The following F5 variants were observed in gnomAD, a reference collection of about 807,000 sequenced individuals.
The protein encoded by F5 is activated protein c cofactor.
F5 carries 138 observed loss-of-function variants against 216.4 expected under a neutral mutation model. The observed-to-expected ratio is 0.64, with a 90% CI of 0.56 to 0.73. F5 has a LOEUF of 0.73. F5 is among the 30% of genes least tolerant of loss of function. The pLI is 0.00. For missense variants in F5, 2,403 were observed against 2,674.0 expected (o/e 0.90, Z 2.24); for synonymous variants, 916 against 930.7 (o/e 0.98, Z 0.29).
intron 6 of F5, 147 bp downstream of exon 6, chr1:169,556,499 C>T (rs1571587273): frequency 1.6e-6 from 1 of 606,802 alleles, no homozygotes; most frequent in East Asian, 3.5e-5. Context: ...AATCTAAGAG[C>T]AAAATATCTA....
chr1:169,560,854 G>A lies in F5; in HGVS notation c.374-88C>T, dbSNP rs1660465878. ...TCAAATCTGGGGATAGCTAAGATGA[G>A]TTCTCTGGAGATGCATATGTCCTTC... On this transcript the variant is annotated intron_variant, in intron 3 of 24. Transcript: ENST00000367797. 4 of 1,145,136 alleles carry A rather than the reference G, an allele frequency of 3.5e-6. No individual in the cohort carries two copies. The South Asian group carries it at 3.7e-5, about 11-fold the overall frequency. 70.9% of individuals were successfully genotyped at this position (1,145,136 alleles called of 1,614,324 possible).
Position 169,540,723 on chromosome 1 carries a change from G to A in F5, c.4367C>T (p.Pro1456Leu). Residue 1456 changes from proline to leucine, a missense_variant, in exon 13 of 25, where the codon CCT (proline) becomes CTT (leucine). Pro to Leu is a moderately conservative substitution (Grantham distance 98, BLOSUM62 -3). Around this residue, in one of 4 missense-constraint regions of F5, gnomAD observed 293 missense variants for 270.8 expected, o/e 1.08. Transcript: ENST00000367797. ...TLLPDLSQIS[P>L]PPDLDQIFYP... ...GAATATCTGATCAAGGTCTGGAGGA[G>A]GTGATATCTGGCTGAGATCCGGGAG... is the stretch of plus-strand genomic sequence containing the variant. 1 of 1,614,032 alleles carries A rather than the reference G, an allele frequency of 6.2e-7. No individual in the cohort carries two copies. Among genetic ancestry groups the A allele is most frequent in the African/African-American group, 1.3e-5 (1 of 75,024 alleles).
At chr1:169,522,742 A>T (rs1659339698) in intron 21 of F5, among the ~76,000 whole-genome samples, 1 of 152,154 alleles carries the variant, frequency 6.6e-6, no homozygotes, top group Non-Finnish European at 1.5e-5. Flanking sequence ...CCCCCCAAAA[A>T]GTCTGAGAAT....
At chr1:169,543,629 C>T (rs183227439) in intron 12 of F5, among the ~76,000 whole-genome samples, 15 of 152,234 alleles carry the variant, frequency 9.9e-5, no homozygotes, top group Admixed American at 7.9e-4. Flanking sequence ...TAATAATTCA[C>T]GAGGACAATT....
chr1:169,521,695 A>G (rs1438448757), intron 21 of F5, among the ~76,000 whole-genome samples: 1 of 134,968 alleles, frequency 7.4e-6, no homozygotes. Context: ...ATCTCGGCTC[A>G]CTGCAACCTC....
intron 3 of F5, among the ~76,000 whole-genome samples, chr1:169,564,454 C>G (rs996844733): frequency 6.6e-6 from 1 of 152,024 alleles, no homozygotes; most frequent in Non-Finnish European, 1.5e-5. Flanking sequence ...TCCCTGGAAA[C>G]ACTCTTCAAG....
rs775890784 is a variant in F5 at position 169,530,869 on chromosome 1, C to T, written c.5125G>A (p.Val1709Ile). 106 of 1,613,828 alleles carry T rather than the reference C, an allele frequency of 6.6e-5. No homozygotes were observed. The highest frequency in any genetic ancestry group is 1.1e-4 in the South Asian group (10 of 91,092). ...AVQPNSSYTY[V>I]WHATERSGPE... ...CCTGATCGCTCAGTGGCATGCCATA[C>T]GTAGGTATAACTGCTATTTGGCTGA... is the stretch of plus-strand genomic sequence containing the variant. The change falls in exon 15 of 25, where the codon GTA (valine) becomes ATA (isoleucine). Residue 1709 changes from valine to isoleucine, a missense_variant. By Grantham distance (29) the Val-to-Ile change is conservative. Around this residue, in one of 4 missense-constraint regions of F5, gnomAD observed 659 missense variants for 787.9 expected, o/e 0.84. Coordinates refer to ENST00000367797, the MANE Select transcript of F5 (RefSeq NM_000130.5).
chr1:169,578,814 C>T (rs1660922901), intron 2 of F5, among the ~76,000 whole-genome samples: 2 of 152,150 alleles, frequency 1.3e-5, no homozygotes, highest in Admixed American at 6.5e-5. Flanking sequence ...CCTGGCCCCC[C>T]ATGAAGGTGG....
At chr1:169,555,730 T>C (rs895063627) in intron 6 of F5, among the ~76,000 whole-genome samples, 1 of 151,774 alleles carries the variant, frequency 6.6e-6, no homozygotes, top group Non-Finnish European at 1.5e-5. Flanking sequence ...ATAAAATTGT[T>C]GTTAAAAATT....
intron 5 of F5, 148 bp downstream of exon 5, chr1:169,559,005 T>TAAAAAAA: frequency 7.0e-6 from 5 of 711,212 alleles, no homozygotes; most frequent in Non-Finnish European, 1.1e-5. Context: ...ATTTCCTGTT[T>TAAAAAAA]AAAAAAAAAA....
Position 169,514,136 on chromosome 1 carries a change from A to G in F5, c.*177T>C, listed in dbSNP as rs1659098956. On this transcript the variant is annotated 3_prime_UTR_variant, in exon 25 of 25. Transcript: ENST00000367797. ...AGAAGTAATAGCCATTATCTTACTTACTGGTAGCAAGGAGTTACATTATAA... is the reference window on the plus strand; with the variant it reads ...AGAAGTAATAGCCATTATCTTACTTGCTGGTAGCAAGGAGTTACATTATAA... 1 of 622,072 alleles carries G rather than the reference A, an allele frequency of 1.6e-6. No homozygotes were observed. The allele number at this position is 622,072 out of a possible 1,614,324, so 38.5% of individuals were successfully genotyped here.
At chr1:169,565,555 T>C (rs554266055) in intron 3 of F5, among the ~76,000 whole-genome samples, 4 of 152,164 alleles carry the variant, frequency 2.6e-5, no homozygotes, top group South Asian at 2.1e-4. Context: ...AATGTTAAAA[T>C]AGATTAAATG....
At chr1:169,520,427 G>A (rs1659269666) in intron 22 of F5, 93 bp downstream of exon 22, 4 of 1,526,480 alleles carry the variant, frequency 2.6e-6, no homozygotes, top group Middle Eastern at 1.7e-4. Context: ...CTAAGTCACT[G>A]AAAAGAACTA....
intron 23 of F5, among the ~76,000 whole-genome samples, chr1:169,518,021 A>G (rs1335764315): frequency 6.6e-6 from 1 of 152,226 alleles, no homozygotes; most frequent in Non-Finnish European, 1.5e-5. Flanking sequence ...AAGTTTTATT[A>G]GAACACAGCC....
intron 20 of F5, 146 bp downstream of exon 20, chr1:169,523,655 A>G: frequency 1.2e-6 from 1 of 816,228 alleles, no homozygotes; most frequent in East Asian, 2.5e-5. Flanking sequence ...GATTTTAAGG[A>G]TATAAAGTAC....
At chr1:169,546,978 A>G (rs1660020687) in intron 10 of F5, among the ~76,000 whole-genome samples, 1 of 93,260 alleles carries the variant, frequency 1.1e-5, no homozygotes, top group African/African-American at 3.6e-5. Flanking sequence ...AAAAAAAAAA[A>G]AAAAAGAAAA....
Position 169,556,827 on chromosome 1 carries a change from C to A in F5, c.771G>T (p.Leu257=). The change falls in exon 6 of 25, where the codon CTG becomes CTT. Residue 257 remains leucine (L), a synonymous_variant. Coordinates refer to ENST00000367797, the MANE Select transcript of F5 (RefSeq NM_000130.5). ...VCAHDHISWH[L]LGMSSGPELF... ...ATTCTGGCCCCGAGCTCATTCCCAGCAGATGCCAGCTGATGTGGTCATGGG... is the reference window on the plus strand; with the variant it reads ...ATTCTGGCCCCGAGCTCATTCCCAGAAGATGCCAGCTGATGTGGTCATGGG... 6.2e-7 allele frequency: 1 copy of A among 1,614,078 alleles called. No individual in the cohort carries two copies. Among genetic ancestry groups the A allele is most frequent in the Non-Finnish European group, 8.5e-7 (1 of 1,179,992 alleles).
rs765885248 is a variant in F5, at chr1:169,550,688, C to T, written c.1348G>A (p.Val450Met). Residue 450 changes from valine (V) to methionine (M), a missense_variant, in exon 9 of 25, where the codon GTG becomes ATG. This residue lies in a region of F5 where 1,425 missense variants were observed against 1,554.8 expected (regional missense o/e 0.92). Coordinates refer to ENST00000367797, the MANE Select transcript of F5 (RefSeq NM_000130.5). ...TCATCTTCATAAGGCGAGAAGGTCA[C>T]TCCATGAGGGTAAATGCTATAGGGG... Reference protein sequence around the residue: ...SRPYSIYPHGVTFSPYEDEVN... With the variant: ...SRPYSIYPHGMTFSPYEDEVN... The T allele has an allele frequency of 6.2e-7, 1 of 1,614,070 alleles. No homozygotes were observed. The highest frequency in any genetic ancestry group is 1.1e-5 in the South Asian group (1 of 91,078).
intron 10 of F5, among the ~76,000 whole-genome samples, chr1:169,547,361 G>A (rs1479733998): frequency 6.6e-6 from 1 of 152,128 alleles, no homozygotes; most frequent in African/African-American, 2.4e-5. Flanking sequence ...TTGAAATAAA[G>A]AGCTCCTGCA....
Sources: gnomAD v4.1 joint callset for allele counts (sites outside exome capture counted in the v4.1 genomes callset) on GRCh38, gnomAD v4.1.1 for gene constraint, gnomAD v4.1.1 regional missense constraint, MANE v1.5 for transcripts, NCBI Gene and HGNC (gene_info 2026-07-23, HGNC 2026-07-21) for gene names.